The following ACBD4 variants were observed in gnomAD, a reference collection of about 807,000 sequenced individuals.
ACBD4 encodes acyl-CoA-binding domain-containing protein 4.
In ACBD4, 41 loss-of-function variants were observed where a neutral mutation model predicts 46.0. The observed-to-expected ratio is 0.89, with a 90% CI of 0.69 to 1.16. The LOEUF (loss-of-function observed/expected upper bound fraction) is 1.16, where lower values mean the gene tolerates loss of function less well. ACBD4 is among the 50% of genes most tolerant of loss of function. The pLI is 0.00. For synonymous variants in ACBD4, 162 were observed against 155.9 expected (o/e 1.04, Z -0.29); for missense variants, 393 against 399.5 (o/e 0.98, Z 0.14).
At chr17:45,142,855 C>G (rs2055381245) in intron 9 of ACBD4, 1 of 153,348 alleles carries the variant, frequency 6.5e-6, no homozygotes, top group South Asian at 1.9e-4. Flanking sequence ...CCCACCCGGT[C>G]TGCCACAGTC....
At chr17:45,131,774 G>A (rs1233014335), upstream of ACBD4, among the ~76,000 whole-genome samples, 1 of 152,250 alleles carries the variant, frequency 6.6e-6, no homozygotes, top group Non-Finnish European at 1.5e-5. Context: ...GAGCAGTGTG[G>A]CTGTGGCCGC....
rs536829586 is a variant in ACBD4 at position 45,143,555 on chromosome 17, G to T, written c.902G>T (p.Arg301Leu). The T allele has an allele frequency of 6.2e-7, 1 of 1,614,028 alleles. No homozygotes were observed. Among genetic ancestry groups the T allele is most frequent in the Non-Finnish European group, 8.5e-7 (1 of 1,179,982 alleles). The change falls in exon 10 of 10, where the codon CGG becomes CTG. Residue 301 changes from arginine to leucine, a missense_variant. Physicochemically the swap from Arg to Leu is moderately radical, Grantham distance 102. Coordinates refer to ENST00000321854, the MANE Select transcript of ACBD4 (RefSeq NM_001135705.3). ...FVVQWLFRMFRTQKR is the reference protein window; with the variant it reads ...FVVQWLFRMFLTQKR ...GTCCAGTGGCTCTTCCGAATGTTTC[G>T]GACCCAAAAGAGGTGACTGTCAGTG...
chr17:45,132,660 G>A (rs1036701276), upstream of ACBD4: 2 of 245,754 alleles, frequency 8.1e-6, no homozygotes, highest in African/African-American at 4.6e-5. This position sits in a 1 kb window ranked among gnomAD's most constrained non-coding sequence, Gnocchi z 4.6. Flanking sequence ...GCTCGCCCCT[G>A]CTCGTGAGTC....
chr17:45,136,255 T>C, intron 2 of ACBD4, 23 bp downstream of exon 2: 1 of 1,610,952 alleles, frequency 6.2e-7, no homozygotes, highest in Non-Finnish European at 8.5e-7. Context: ...GGACTCGCAT[T>C]TGGACTCGCA....
chr17:45,140,128 A>G (rs1265820005), intron 9 of ACBD4, among the ~76,000 whole-genome samples: 1 of 148,074 alleles, frequency 6.8e-6, no homozygotes, highest in Non-Finnish European at 1.5e-5. Context: ...ACTTTTCAAC[A>G]CTGCTCCTCC....
intron 9 of ACBD4, 40 bp from the exon 10 acceptor site, chr17:45,143,403 G>A: frequency 1.3e-6 from 2 of 1,548,090 alleles, no homozygotes; most frequent in Non-Finnish European, 1.7e-6. Context: ...GCTGTGCTGA[G>A]GCCTGGACTG....
upstream of ACBD4, chr17:45,132,610 G>A (rs2054489203): frequency 3.7e-6 from 1 of 267,538 alleles, no homozygotes; most frequent in South Asian, 1.6e-4. This position sits in a 1 kb window ranked among gnomAD's most constrained non-coding sequence, Gnocchi z 4.6. Context: ...GCGGTGCGAG[G>A]GCGGGGCCAG....
chr17:45,141,754 T>A (rs1235777782), intron 9 of ACBD4, among the ~76,000 whole-genome samples: 1 of 152,172 alleles, frequency 6.6e-6, no homozygotes, highest in Non-Finnish European at 1.5e-5. Flanking sequence ...TATCTGGATG[T>A]CCCATTATTA....
Position 45,139,077 on chromosome 17 carries a change from A to T in ACBD4, c.706A>T (p.Thr236Ser). 6.2e-7 allele frequency: 1 copy of T among 1,613,782 alleles called. No homozygotes were observed. The highest frequency in any genetic ancestry group is 8.5e-7 in the Non-Finnish European group (1 of 1,180,020). ...PQELDVWLLG[T>S]VRALQESMQE... Reference sequence around the variant, plus strand: ...GGAGTTGGACGTGTGGCTGCTGGGGACAGTTCGAGCACTACAGGAGAGCAT... The same window carrying T: ...GGAGTTGGACGTGTGGCTGCTGGGGTCAGTTCGAGCACTACAGGAGAGCAT... The change falls in exon 9 of 10, where the codon ACA becomes TCA. Residue 236 changes from threonine (T) to serine (S), a missense_variant. By Grantham distance (58) the Thr-to-Ser change is moderately conservative. Transcript: ENST00000321854.
chr17:45,137,214 C>T, intron 5 of ACBD4, 75 bp downstream of exon 5: 47 of 1,606,236 alleles, frequency 2.9e-5, no homozygotes, highest in Non-Finnish European at 4.0e-5. Context: ...GGGCTGGGGG[C>T]AGAGGGCTCC....
Position 45,143,741 on chromosome 17 carries a change from A to G in ACBD4, c.*170A>G, listed in dbSNP as rs1206631997. 9.0e-7 allele frequency: 1 copy of G among 1,113,826 alleles called. No individual in the cohort carries two copies. Among genetic ancestry groups the G allele is most frequent in the East Asian group, 2.6e-5 (1 of 38,686 alleles). The allele number at this position is 1,113,826 out of a possible 1,614,324, so 69.0% of individuals were successfully genotyped here. ...CAAATAAGACCCCACCCCTCCCTGC[A>G]GCTTCACAGGGACGCTTCCTTCCCT... On this transcript the variant is annotated 3_prime_UTR_variant, in exon 10 of 10. Coordinates refer to ENST00000321854, the MANE Select transcript of ACBD4 (RefSeq NM_001135705.3).
At chr17:45,136,000 G>A (rs964151380) in intron 1 of ACBD4, 47 bp downstream of exon 1, 10 of 737,120 alleles carry the variant, frequency 1.4e-5, no homozygotes, top group South Asian at 9.1e-5. Flanking sequence ...CTCCCAGGGT[G>A]TCTGAGGCCT....
intron 9 of ACBD4, among the ~76,000 whole-genome samples, chr17:45,140,384 C>T (rs1392751690): frequency 1.3e-5 from 2 of 150,492 alleles, no homozygotes; most frequent in African/African-American, 4.9e-5. Context: ...GGTTTCACCA[C>T]GGTCCCCAGG....
intron 9 of ACBD4, among the ~76,000 whole-genome samples, chr17:45,139,549 C>T (rs1218617420): frequency 1.3e-5 from 2 of 152,164 alleles, no homozygotes; most frequent in African/African-American, 2.4e-5. Context: ...GCCCTTGCAT[C>T]CCTCTCCTCA....
At chr17:45,139,768 C>A (rs1333294593) in intron 9 of ACBD4, among the ~76,000 whole-genome samples, 1 of 152,222 alleles carries the variant, frequency 6.6e-6, no homozygotes, top group Non-Finnish European at 1.5e-5. Context: ...TGCCTGAGGG[C>A]ACACAGCCTG....
chr17:45,134,480 TA>T (rs2054659401), upstream of ACBD4, among the ~76,000 whole-genome samples: 1 of 150,250 alleles, frequency 6.7e-6, no homozygotes, highest in Non-Finnish European at 1.5e-5. Context: ...ATAATTAATT[TA>T]AAAAGATACA....
chr17:45,138,643 T>C, intron 8 of ACBD4: 1 of 234,442 alleles, frequency 4.3e-6, no homozygotes, highest in Non-Finnish European at 8.6e-6. Flanking sequence ...ATACAAATAT[T>C]AGCCGGGTGT....
upstream of ACBD4, chr17:45,135,376 G>A (rs565584511): frequency 1.3e-5 from 2 of 152,138 alleles, no homozygotes; most frequent in East Asian, 3.9e-4. Flanking sequence ...GGGTTGCCTC[G>A]GATCGGCCAG....
chr17:45,143,586 G>A lies in ACBD4; in HGVS notation c.*15G>A, dbSNP rs779255807. On this transcript the variant is annotated 3_prime_UTR_variant, in exon 10 of 10. Transcript: ENST00000321854. ...AAAAGAGGTGACTGTCAGTGGAGGG[G>A]TCTCTGCAGCCAACTGAGACTATCT... is the stretch of plus-strand genomic sequence containing the variant. 1.9e-6 allele frequency: 3 copies of A among 1,614,066 alleles called. No homozygotes were observed. Among genetic ancestry groups the A allele is most frequent in the South Asian group, 1.1e-5 (1 of 91,090 alleles).
Sources: gnomAD v4.1 joint callset for allele counts (sites outside exome capture counted in the v4.1 genomes callset) on GRCh38, gnomAD v4.1.1 for gene constraint, Gnocchi (gnomAD v3.1) non-coding constraint, MANE v1.5 for transcripts, NCBI Gene and HGNC (gene_info 2026-07-23, HGNC 2026-07-21) for gene names.